Variants in CCT8 observed in about 807,000 individuals in gnomAD.
CCT8 encodes T-complex protein 1 subunit theta.
A neutral mutation model predicts 65.7 loss-of-function variants in CCT8; 10 were observed. That is an observed-to-expected ratio of 0.15 (90% CI 0.09 to 0.26). The LOEUF is 0.26. CCT8 is among the 10% of genes least tolerant of loss of function. The pLI is 1.00. For missense variants in CCT8, 568 were observed against 669.1 expected, an observed-to-expected ratio of 0.85 and a Z score of 1.67; for synonymous variants, 199 against 221.8, an observed-to-expected ratio of 0.90 and a Z score of 0.92.
Position 29,056,468 on chromosome 21 carries a change from G to A in CCT8, c.*7C>T. On this transcript the variant is annotated 3_prime_UTR_variant, in exon 15 of 15. Transcript: ENST00000286788. Reference sequence around the variant, plus strand: ...AGCCTTCACCTACAGTAAAAATTAAGCCAATTTCAATCATTTTGGTCATCA... The same window carrying A: ...AGCCTTCACCTACAGTAAAAATTAAACCAATTTCAATCATTTTGGTCATCA... The A allele has an allele frequency of 6.7e-7, 1 of 1,489,236 alleles. No homozygotes were observed. Among genetic ancestry groups the A allele is most frequent in the Non-Finnish European group, 9.0e-7 (1 of 1,110,490 alleles). The allele number at this position is 1,489,236 out of a possible 1,614,324, so 92.3% of individuals were successfully genotyped here.
intron 1 of CCT8, chr21:29,071,815 T>C (rs930669326): frequency 2.4e-4 from 146 of 611,528 alleles, no homozygotes; most frequent in Middle Eastern, 4.0e-4. Flanking sequence ...AACTACCATT[T>C]GATCAGATCC....
rs149069543 is a variant in CCT8, at chr21:29,061,172, A to G, written c.1449+81T>C. On this transcript the variant is annotated intron_variant, in intron 13 of 14. Coordinates refer to ENST00000286788, the MANE Select transcript of CCT8 (RefSeq NM_006585.4). Reference sequence around the variant, plus strand: ...CAAATCAGAACACTGTTTCTCATTGATATTTCTTTTAAACTCATACTATTT... The same window carrying G: ...CAAATCAGAACACTGTTTCTCATTGGTATTTCTTTTAAACTCATACTATTT... 3 of 1,106,492 alleles carry G rather than the reference A, an allele frequency of 2.7e-6. No homozygotes were observed. The African/African-American group carries it at 4.7e-5, about 17-fold the overall frequency. The allele number at this position is 1,106,492 out of a possible 1,614,324, so 68.5% of individuals were successfully genotyped here. A position where few individuals can be genotyped will look rare whatever the true frequency, so the allele number is the denominator to read the frequency against.
chr21:29,057,024 T>C (rs1296090686), intron 14 of CCT8, among the ~76,000 whole-genome samples: 1 of 151,768 alleles, frequency 6.6e-6, no homozygotes, highest in African/African-American at 2.4e-5. Flanking sequence ...ATACAAAGTT[T>C]AACACTGAAA....
At chr21:29,068,875 T>C (rs1393691688) in intron 3 of CCT8, among the ~76,000 whole-genome samples, 1 of 152,252 alleles carries the variant, frequency 6.6e-6, no homozygotes, top group Admixed American at 6.5e-5. Context: ...GAAAATTCCC[T>C]GAGGTTGAAT....
chr21:29,071,551 C>G (rs1157082744), intron 1 of CCT8, among the ~76,000 whole-genome samples: 2 of 152,000 alleles, frequency 1.3e-5, no homozygotes, highest in East Asian at 3.9e-4. Context: ...GCGCGCCACA[C>G]CAGGTTGGTT....
chr21:29,073,156 G>A (rs753954749), intron 1 of CCT8: 43 of 524,572 alleles, frequency 8.2e-5, no homozygotes, highest in Non-Finnish European at 9.8e-5. Flanking sequence ...AATCGACGTC[G>A]CAGTTCTCAA....
chr21:29,060,876 T>C (rs1434757638), intron 13 of CCT8, among the ~76,000 whole-genome samples: 1 of 152,206 alleles, frequency 6.6e-6, no homozygotes, highest in Non-Finnish European at 1.5e-5. Context: ...TAAAATGGCA[T>C]GGTGTTTGGA....
intron 1 of CCT8, among the ~76,000 whole-genome samples, chr21:29,072,943 G>C (rs2085698624): frequency 6.6e-6 from 1 of 152,174 alleles, no homozygotes. Context: ...ACCCAAGAAA[G>C]TTACATTTTA....
chr21:29,057,211 C>G (rs2085507801), intron 14 of CCT8, among the ~76,000 whole-genome samples: 2 of 150,536 alleles, frequency 1.3e-5, no homozygotes, highest in African/African-American at 4.9e-5. Context: ...GCTCTGTTGC[C>G]CAGGCTAGAG....
chr21:29,062,022 C>T, intron 11 of CCT8, 106 bp downstream of exon 11: 1 of 746,024 alleles, frequency 1.3e-6, no homozygotes, highest in Non-Finnish European at 2.3e-6. Flanking sequence ...ATATAAACCA[C>T]TCATTCTGAA....
At position 29,073,574 on chromosome 21, in the gene CCT8, G is replaced by A. The variant is rs2085708676; in HGVS notation, c.17C>T (p.Pro6Leu). ...CATCTGGGCAAAGCCCGGAGCCTTG[G>A]GAACGTGAAGCGCCATGGCCAGCCT... MALHV[P>L]KAPGFAQMLK... is the part of the protein sequence containing the mutation. Residue 6 changes from proline (P) to leucine (L), a missense_variant, in exon 1 of 15, where the codon CCC (proline) becomes CTC (leucine). By Grantham distance (98) the Pro-to-Leu change is moderately conservative. Coordinates refer to ENST00000286788, the MANE Select transcript of CCT8 (RefSeq NM_006585.4). 1.9e-6 allele frequency: 3 copies of A among 1,614,152 alleles called. No homozygotes were observed. Among genetic ancestry groups the A allele is most frequent in the Non-Finnish European group, 1.7e-6 (2 of 1,180,028 alleles).
At chr21:29,060,472 C>G in intron 14 of CCT8, 69 bp downstream of exon 14, 1 of 1,506,466 alleles carries the variant, frequency 6.6e-7, no homozygotes. Context: ...TGTTCTAGTT[C>G]TGGGAAAATA....
rs575389704 is a variant in CCT8, at chr21:29,066,297, T to G, written c.624+419A>C. 2.0e-5 allele frequency among the ~76,000 whole-genome samples: 3 copies of G among 152,092 alleles called. No individual in the cohort carries two copies. The East Asian group carries it at 5.8e-4, about 30-fold the overall frequency. ...GTTCACGCCTGTTAATCCCAGCACT[T>G]TGGGAGGCCAAGGCAGGTGGATCAC... On this transcript the variant is annotated intron_variant, in intron 6 of 14. Coordinates refer to ENST00000286788, the MANE Select transcript of CCT8 (RefSeq NM_006585.4).
intron 8 of CCT8, 98 bp downstream of exon 8, chr21:29,063,254 C>T: frequency 1.1e-6 from 1 of 915,746 alleles, no homozygotes; most frequent in Non-Finnish European, 1.7e-6. Flanking sequence ...CTTTACTTTC[C>T]CTTTATTAAC....
intron 10 of CCT8, 29 bp from the exon 11 acceptor site, chr21:29,062,272 T>A (rs1242473741): frequency 6.2e-7 from 1 of 1,606,646 alleles, no homozygotes; most frequent in South Asian, 1.1e-5. Context: ...TATTTGGTGA[T>A]TAAATACAAG....
At chr21:29,061,670 A>C in intron 11 of CCT8, 103 bp from the exon 12 acceptor site, 1 of 1,134,654 alleles carries the variant, frequency 8.8e-7, no homozygotes, top group Non-Finnish European at 1.3e-6. Flanking sequence ...ACCCCACCAA[A>C]CAGGAGTTTT....
rs573975374 is a variant in CCT8 at position 29,071,677 on chromosome 21, AC to A, written c.61-1341del. Among the ~76,000 whole-genome samples the A allele has an allele frequency of 7.2e-3, 1,100 of 151,952 alleles. 12 individuals are homozygous for A. The highest frequency in any genetic ancestry group is 0.025 in the African/African-American group (1,039 of 41,426). ...TTGGGATTACAGGTGTGAGCCACCAACCCCTGCCAATAGCCACTGCTTTAAA... is the reference window on the plus strand; with the variant it reads ...TTGGGATTACAGGTGTGAGCCACCAACCCTGCCAATAGCCACTGCTTTAAA... On this transcript the variant is annotated intron_variant, in intron 1 of 14. Transcript: ENST00000286788.
At position 29,073,616 on chromosome 21, in the gene CCT8, G is replaced by A. The variant is rs775759894; in HGVS notation, c.-26C>T. ...GGCCAGCCTGCAGGAAGCAGTTCACGCGACCGCTCGGAAGACCGCGGAGGA... is the reference window on the plus strand; with the variant it reads ...GGCCAGCCTGCAGGAAGCAGTTCACACGACCGCTCGGAAGACCGCGGAGGA... On this transcript the variant is annotated 5_prime_UTR_variant, in exon 1 of 15. Transcript: ENST00000286788. The A allele has an allele frequency of 2.5e-6, 4 of 1,611,768 alleles. No individual in the cohort carries two copies. The highest frequency in any genetic ancestry group is 1.7e-5 in the Admixed American group (1 of 60,028).
chr21:29,059,627 A>G (rs1207004142), intron 14 of CCT8: 2 of 152,228 alleles, frequency 1.3e-5, no homozygotes, highest in Non-Finnish European at 2.9e-5. Flanking sequence ...GAACTCAAAC[A>G]TATTCTTCCA....
Sources: gnomAD v4.1 joint callset for allele counts (sites outside exome capture counted in the v4.1 genomes callset) on GRCh38, gnomAD v4.1.1 for gene constraint, MANE v1.5 for transcripts, NCBI Gene and HGNC (gene_info 2026-07-23, HGNC 2026-07-21) for gene names.